The following LUC7L variants were observed in gnomAD, a reference collection of about 807,000 sequenced individuals.
The protein encoded by LUC7L is putative RNA-binding protein Luc7-like 1.
LUC7L carries 29 observed loss-of-function variants against 51.1 expected under a neutral mutation model. The observed-to-expected ratio is 0.57, with a 90% confidence interval of 0.42 to 0.77. The LOEUF (loss-of-function observed/expected upper bound fraction) is 0.77, where lower values mean the gene tolerates loss of function less well. Among genes scored for constraint, LUC7L ranks in the 30% least tolerant of loss-of-function variants. The pLI is 0.00. For synonymous variants in LUC7L, 181 were observed against 180.7 expected, an observed-to-expected ratio of 1.00 and a Z score of -0.01; for missense variants, 403 against 511.9, an observed-to-expected ratio of 0.79 and a Z score of 2.05.
At chr16:205,810 T>G (rs1385273744) in intron 5 of LUC7L, among the ~76,000 whole-genome samples, 194 bp downstream of exon 5, 1 of 152,182 alleles carries the variant, frequency 6.6e-6, no homozygotes, top group East Asian at 1.9e-4. Flanking sequence ...CAGGATGGTC[T>G]TATCTCCTGA....
At chr16:220,924 T>G (rs2049947113) in intron 2 of LUC7L, among the ~76,000 whole-genome samples, 177 bp from the exon 3 acceptor site, 1 of 152,214 alleles carries the variant, frequency 6.6e-6, no homozygotes, top group Non-Finnish European at 1.5e-5. Context: ...ACTTTTACCA[T>G]CGTGACTACG....
rs187386022 is a variant in LUC7L, at chr16:223,170, C to A, written c.157-2423G>T. Among the ~76,000 whole-genome samples the A allele has an allele frequency of 4.7e-3, 704 of 150,792 alleles. 5 individuals carry two copies. Among genetic ancestry groups the A allele is most frequent in the African/African-American group, 0.017 (681 of 41,090 alleles). On this transcript the variant is annotated intron_variant, in intron 2 of 9. Transcript: ENST00000293872. Reference sequence around the variant, plus strand: ...GTCAGGAGATCAAGACCATCCTGGCCAACACAGTGAAACCCCTTCTCTACT... The same window carrying A: ...GTCAGGAGATCAAGACCATCCTGGCAAACACAGTGAAACCCCTTCTCTACT...
Position 229,365 on chromosome 16 carries a change from G to T in LUC7L, c.-26C>A. The T allele has an allele frequency of 6.7e-7, 1 of 1,488,358 alleles. No homozygotes were observed. Among genetic ancestry groups the T allele is most frequent in the Non-Finnish European group, 8.9e-7 (1 of 1,120,408 alleles). The allele number at this position is 1,488,358 out of a possible 1,614,324, so 92.2% of individuals were successfully genotyped here. A position where few individuals can be genotyped will look rare whatever the true frequency, so the allele number is the denominator to read the frequency against. Reference sequence around the variant, plus strand: ...GGTAGCCGGCGGAGGCGACGGGGTCGGCCGCGACGACTTCTCTCAGGCAGG... The same window carrying T: ...GGTAGCCGGCGGAGGCGACGGGGTCTGCCGCGACGACTTCTCTCAGGCAGG... On this transcript the variant is annotated 5_prime_UTR_variant, in exon 1 of 10. Coordinates refer to ENST00000293872, the MANE Select transcript of LUC7L (RefSeq NM_201412.3).
In LUC7L at chr16:206,149, T is replaced by C; in HGVS notation, c.367-2A>G. 1 of 1,611,648 alleles carries C rather than the reference T, an allele frequency of 6.2e-7. No individual in the cohort carries two copies. The highest frequency in any genetic ancestry group is 8.5e-7 in the Non-Finnish European group (1 of 1,179,476). On this transcript the variant is annotated splice_acceptor_variant, in intron 4 of 9. Coordinates refer to ENST00000293872, the MANE Select transcript of LUC7L (RefSeq NM_201412.3). LOFTEE classifies it high-confidence loss of function. ...ATTTAACTCATGTACTTTTTCTGCCTGTGAGGAGAAAGAATGAGGTAAGCA... is the reference window on the plus strand; with the variant it reads ...ATTTAACTCATGTACTTTTTCTGCCCGTGAGGAGAAAGAATGAGGTAAGCA...
At chr16:190,656 A>C in intron 7 of LUC7L, 86 bp from the exon 8 acceptor site, 1 of 1,239,272 alleles carries the variant, frequency 8.1e-7, no homozygotes, top group Non-Finnish European at 1.2e-6. Context: ...CTAGGCAGGC[A>C]ATCACCTGAG....
chr16:190,430 A>G, intron 8 of LUC7L, 111 bp downstream of exon 8: 8 of 1,211,046 alleles, frequency 6.6e-6, no homozygotes, highest in Non-Finnish European at 9.7e-6. Context: ...GCCCTTCACA[A>G]GCCAGCCCTA....
At chr16:219,561 A>G (rs925235889) in intron 3 of LUC7L, among the ~76,000 whole-genome samples, 6 of 152,022 alleles carry the variant, frequency 3.9e-5, no homozygotes, top group African/African-American at 1.4e-4. Context: ...CCTGGGCAAC[A>G]GAGTGAAACT....
At chr16:223,406 C>G (rs995019189) in intron 2 of LUC7L, among the ~76,000 whole-genome samples, 10 of 152,184 alleles carry the variant, frequency 6.6e-5, no homozygotes, top group East Asian at 3.9e-4. Flanking sequence ...GGCATACTCA[C>G]TAACAAAACA....
intron 1 of LUC7L, chr16:228,703 A>C: frequency 8.3e-7 from 1 of 1,208,074 alleles, no homozygotes; most frequent in East Asian, 5.8e-5. Context: ...CAACCTACCT[A>C]ACGACTGTCA....
intron 3 of LUC7L, among the ~76,000 whole-genome samples, chr16:219,971 C>G (rs961990536): frequency 6.6e-6 from 1 of 152,096 alleles, no homozygotes; most frequent in Admixed American, 6.6e-5. Context: ...TTTACAACCA[C>G]TAAACTGCAA....
intron 3 of LUC7L, chr16:208,418 C>T (rs112797063): frequency 1.0e-4 from 44 of 428,226 alleles, no homozygotes; most frequent in African/African-American, 8.9e-4. Context: ...ATTTGATTTA[C>T]TTATTTCCAA....
chr16:212,976 C>T (rs1300573787), intron 3 of LUC7L, among the ~76,000 whole-genome samples: 4 of 152,118 alleles, frequency 2.6e-5, no homozygotes, highest in Non-Finnish European at 4.4e-5. Flanking sequence ...TTTGCCCAGG[C>T]TGGTCTCGAA....
At chr16:200,725 G>GA (rs1215935742) in intron 5 of LUC7L, among the ~76,000 whole-genome samples, 4 of 151,938 alleles carry the variant, frequency 2.6e-5, no homozygotes, top group African/African-American at 9.7e-5. Context: ...CTAAAAATAA[G>GA]AAAATAATTA....
At chr16:211,253 A>G (rs577863070) in intron 3 of LUC7L, among the ~76,000 whole-genome samples, 116 of 152,196 alleles carry the variant, frequency 7.6e-4, no homozygotes, top group Non-Finnish European at 1.4e-3. Flanking sequence ...GAAACTCTAG[A>G]CGTCTAATTG....
At chr16:217,370 A>G (rs2049832680) in intron 3 of LUC7L, among the ~76,000 whole-genome samples, 2 of 152,072 alleles carry the variant, frequency 1.3e-5, no homozygotes, top group Admixed American at 6.6e-5. Flanking sequence ...GAAACATCTC[A>G]GGTACCCCCC....
At chr16:189,800 C>A in intron 9 of LUC7L, 168 bp downstream of exon 9, 1 of 1,429,970 alleles carries the variant, frequency 7.0e-7, no homozygotes. Context: ...AGCTCCTCCA[C>A]AGCCCTCTCG....
intron 2 of LUC7L, among the ~76,000 whole-genome samples, chr16:221,071 G>GT (rs2049951914): frequency 6.6e-6 from 1 of 151,992 alleles, no homozygotes; most frequent in Non-Finnish European, 1.5e-5. Context: ...CCAGGCTGGA[G>GT]TACAGTGGCG....
Position 229,360 on chromosome 16 carries a change from G to C in LUC7L, c.-21C>G, listed in dbSNP as rs1356292552. 2.0e-6 allele frequency: 3 copies of C among 1,492,260 alleles called. No homozygotes were observed. Among genetic ancestry groups the C allele is most frequent in the Middle Eastern group, 1.9e-4 (1 of 5,328 alleles). The allele number at this position is 1,492,260 out of a possible 1,614,324, so 92.4% of individuals were successfully genotyped here. A position where few individuals can be genotyped will look rare whatever the true frequency, so the allele number is the denominator to read the frequency against. Reference sequence around the variant, plus strand: ...GACATGGTAGCCGGCGGAGGCGACGGGGTCGGCCGCGACGACTTCTCTCAG... The same window carrying C: ...GACATGGTAGCCGGCGGAGGCGACGCGGTCGGCCGCGACGACTTCTCTCAG... On this transcript the variant is annotated 5_prime_UTR_variant, in exon 1 of 10. Transcript: ENST00000293872.
At chr16:196,718 G>A (rs2049159056) in intron 6 of LUC7L, among the ~76,000 whole-genome samples, 1 of 151,816 alleles carries the variant, frequency 6.6e-6, no homozygotes, top group South Asian at 2.1e-4. Context: ...AGTAGAGACA[G>A]GGTTTTGCTA....
Sources: gnomAD v4.1 joint callset for allele counts (sites outside exome capture counted in the v4.1 genomes callset) on GRCh38, gnomAD v4.1.1 for gene constraint, MANE v1.5 for transcripts, NCBI Gene and HGNC (gene_info 2026-07-23, HGNC 2026-07-21) for gene names.